IQGAP2: variants seen among roughly 807,000 people sequenced by gnomAD.
IQGAP2 encodes IQ motif containing GTPase activating protein 2.
A neutral mutation model predicts 201.3 loss-of-function variants in IQGAP2; 173 were observed. The observed-to-expected ratio is 0.86, with a 90% CI of 0.76 to 0.98. The LOEUF (loss-of-function observed/expected upper bound fraction) is 0.98. Ranked by LOEUF, IQGAP2 falls within the 50% of genes least tolerant of loss-of-function variation. IQGAP2 has a pLI of 0.00. For missense variants in IQGAP2, 1,687 were observed against 1,864.8 expected (o/e 0.90, Z 1.76); for synonymous variants, 675 against 673.9 (o/e 1.00, Z -0.03).
intron 1 of IQGAP2, among the ~76,000 whole-genome samples, chr5:76,460,847 C>T (rs942595858): frequency 6.2e-5 from 9 of 144,410 alleles, no homozygotes; most frequent in Non-Finnish European, 1.0e-4. Context: ...AGCTCCTGCC[C>T]GTTTGCACAC....
chr5:76,482,367 G>C (rs1427973117), intron 2 of IQGAP2, among the ~76,000 whole-genome samples: 2 of 152,186 alleles, frequency 1.3e-5, no homozygotes, highest in African/African-American at 4.8e-5. Flanking sequence ...GTCTCTGATG[G>C]CAGCAAATCC....
intron 1 of IQGAP2, among the ~76,000 whole-genome samples, chr5:76,460,231 A>G (rs948167164): frequency 2.0e-5 from 3 of 152,174 alleles, no homozygotes; most frequent in Non-Finnish European, 4.4e-5. Flanking sequence ...AGATCCATGG[A>G]ATTTTGCCTG....
rs189660383 is a variant in IQGAP2, at chr5:76,533,728, C to T, written c.147-28668C>T. On this transcript the variant is annotated intron_variant, in intron 2 of 35. Transcript: ENST00000274364. ...AATTTTTTGTATTTTTTAGTAGAGA[C>T]GGGGTTTCACCGTGTTAGCCAGGAT... 6.6e-4 allele frequency among the ~76,000 whole-genome samples: 100 copies of T among 152,078 alleles called. No individual in the cohort carries two copies. The East Asian group carries it at 7.0e-3, about 11-fold the overall frequency.
At chr5:76,456,298 A>G (rs1053309497) in intron 1 of IQGAP2, among the ~76,000 whole-genome samples, 2 of 152,216 alleles carry the variant, frequency 1.3e-5, no homozygotes, top group African/African-American at 4.8e-5. Flanking sequence ...GCCTGTGAAT[A>G]CGTATTGGTT....
intron 2 of IQGAP2, among the ~76,000 whole-genome samples, chr5:76,529,684 T>G (rs1759176213): frequency 6.7e-6 from 1 of 148,642 alleles, no homozygotes; most frequent in South Asian, 2.1e-4. Flanking sequence ...TAATGGTTAT[T>G]TTTAAAGTAA....
chr5:76,415,695 A>T (rs542730397), intron 1 of IQGAP2, among the ~76,000 whole-genome samples: 2 of 152,344 alleles, frequency 1.3e-5, no homozygotes, highest in South Asian at 4.1e-4. Context: ...TAATCCCACC[A>T]CTTTGGGAGG....
intron 12 of IQGAP2, among the ~76,000 whole-genome samples, chr5:76,610,068 CTCTCTCTCTATATATATATATATATATA>C (rs1204112871): frequency 6.2e-4 from 3 of 4,812 alleles, no homozygotes; most frequent in African/African-American, 1.8e-3. Flanking sequence ...CTCTCTCTCT[CTCTCTCTCTATATATATATATATATATA>C]TATATATATA....
At chr5:76,475,971 C>T (rs1755394436) in intron 2 of IQGAP2, among the ~76,000 whole-genome samples, 1 of 151,896 alleles carries the variant, frequency 6.6e-6, no homozygotes, top group Non-Finnish European at 1.5e-5. Context: ...CCTATGAAGC[C>T]AGGATGGGAA....
intron 2 of IQGAP2, among the ~76,000 whole-genome samples, chr5:76,560,185 C>T (rs916015277): frequency 6.6e-6 from 1 of 152,132 alleles, no homozygotes; most frequent in African/African-American, 2.4e-5. Flanking sequence ...CAGAGTCTTG[C>T]ACTGTTGCCC....
chr5:76,656,245 C>T (rs1467330205), intron 20 of IQGAP2, among the ~76,000 whole-genome samples: 1 of 150,864 alleles, frequency 6.6e-6, no homozygotes, highest in African/African-American at 2.4e-5. Context: ...TTTCTTGAGA[C>T]GGAGTCTCGC....
chr5:76,435,032 C>T (rs1196559578), intron 1 of IQGAP2, among the ~76,000 whole-genome samples: 1 of 149,756 alleles, frequency 6.7e-6, no homozygotes, highest in Admixed American at 6.6e-5. Context: ...GTCATTTGCT[C>T]ATTTTTTGAT....
chr5:76,527,359 A>T (rs1759033798), intron 2 of IQGAP2, among the ~76,000 whole-genome samples: 1 of 152,104 alleles, frequency 6.6e-6, no homozygotes, highest in African/African-American at 2.4e-5. Flanking sequence ...CTGCTTAAGG[A>T]CCTGAATGAC....
At chr5:76,572,752 T>A (rs918719295) in intron 4 of IQGAP2, among the ~76,000 whole-genome samples, 1 of 152,158 alleles carries the variant, frequency 6.6e-6, no homozygotes, top group Non-Finnish European at 1.5e-5. Flanking sequence ...CAGCTATTTT[T>A]AAAAAATTAT....
intron 2 of IQGAP2, among the ~76,000 whole-genome samples, chr5:76,510,076 T>C (rs1446680879): frequency 1.3e-5 from 2 of 151,412 alleles, no homozygotes; most frequent in Non-Finnish European, 2.9e-5. Flanking sequence ...CTCAGCTCAC[T>C]GTGAACTCCG....
At chr5:76,416,437 G>C (rs1179315243) in intron 1 of IQGAP2, among the ~76,000 whole-genome samples, 1 of 152,202 alleles carries the variant, frequency 6.6e-6, no homozygotes, top group Non-Finnish European at 1.5e-5. Flanking sequence ...AATGAGAGAC[G>C]AGAAGCACTG....
rs548162224 is a variant in IQGAP2 at position 76,626,585 on chromosome 5, A to G, written c.1522-825A>G. 1.2e-3 allele frequency among the ~76,000 whole-genome samples: 182 copies of G among 152,200 alleles called. 1 individual carries two copies. Among genetic ancestry groups the G allele is most frequent in the African/African-American group, 3.9e-3 (164 of 41,534 alleles). On this transcript the variant is annotated intron_variant, in intron 13 of 35. Transcript: ENST00000274364. ...CATGCCCAGCTATATGTCTTGACAC[A>G]TCTGTCTCTTACACTACATTGTTAG...
intron 2 of IQGAP2, among the ~76,000 whole-genome samples, chr5:76,521,955 A>G (rs1758705785): frequency 6.6e-6 from 1 of 152,186 alleles, no homozygotes; most frequent in Admixed American, 6.5e-5. Flanking sequence ...ATAATTAAAA[A>G]AAAAAATGCA....
In IQGAP2 at chr5:76,660,881, G is replaced by A. The variant is rs1401523610; in HGVS notation, c.2529+2214G>A. Among the ~76,000 whole-genome samples the A allele has an allele frequency of 5.3e-5, 8 of 152,288 alleles. No homozygotes were observed. In the South Asian group the frequency reaches 1.2e-3, roughly 24 times the overall value. ...TGAAGCCCAAAGCAATATGCAGAGG[G>A]CGATAGAATTAGTTTAATATGGATG... On this transcript the variant is annotated intron_variant, in intron 21 of 35. Coordinates refer to ENST00000274364, the MANE Select transcript of IQGAP2 (RefSeq NM_006633.5).
intron 5 of IQGAP2, among the ~76,000 whole-genome samples, chr5:76,582,518 G>A (rs1278689280): frequency 1.3e-5 from 2 of 152,146 alleles, no homozygotes; most frequent in East Asian, 1.9e-4. Flanking sequence ...TCTACCATGA[G>A]GCTTTGATAT....
Sources: allele counts gnomAD v4.1 joint callset (sites outside exome capture counted in the v4.1 genomes callset), GRCh38; gene constraint gnomAD v4.1.1; transcripts MANE v1.5; gene names NCBI Gene and HGNC (gene_info 2026-07-23, HGNC 2026-07-21).